Variants in MIPEP observed in about 807,000 individuals in gnomAD.
MIPEP encodes the protein mitochondrial intermediate peptidase.
MIPEP carries 79 observed loss-of-function variants against 90.3 expected under a neutral mutation model. The observed-to-expected ratio is 0.87, with a 90% CI of 0.73 to 1.05. MIPEP has a LOEUF of 1.05. MIPEP is among the 50% of genes least tolerant of loss of function. MIPEP has a pLI of 0.00. For synonymous variants in MIPEP, 334 were observed against 315.8 expected, an observed-to-expected ratio of 1.06 and a Z score of -0.61; for missense variants, 940 against 905.6, an observed-to-expected ratio of 1.04 and a Z score of -0.49.
chr13:23,760,672 A>G (rs1285073637), intron 16 of MIPEP: 1 of 470,848 alleles, frequency 2.1e-6, no homozygotes, highest in Non-Finnish European at 4.4e-6. Context: ...AACAGTGGGA[A>G]GTAAATTTCT....
intron 16 of MIPEP, among the ~76,000 whole-genome samples, chr13:23,776,757 A>T (rs1360994806): frequency 1.3e-5 from 2 of 152,152 alleles, no homozygotes; most frequent in Non-Finnish European, 2.9e-5. Flanking sequence ...GAGATTTTTC[A>T]AACTGTGCAC....
intron 16 of MIPEP, among the ~76,000 whole-genome samples, chr13:23,772,100 TA>T (rs1952658608): frequency 6.6e-6 from 1 of 152,198 alleles, no homozygotes; most frequent in Non-Finnish European, 1.5e-5. Context: ...CTGCACATTC[TA>T]AAGGATAGCC....
intron 10 of MIPEP, among the ~76,000 whole-genome samples, chr13:23,844,585 A>AT (rs916241699): frequency 3.3e-5 from 5 of 152,190 alleles, no homozygotes; most frequent in East Asian, 3.8e-4. Context: ...AAAGCAATTC[A>AT]TTTTTTTGTT....
intron 16 of MIPEP, among the ~76,000 whole-genome samples, chr13:23,775,695 T>TA (rs1952707863): frequency 6.6e-6 from 1 of 151,900 alleles, no homozygotes; most frequent in Non-Finnish European, 1.5e-5. Flanking sequence ...CTACCAGAAA[T>TA]AAAAATATCC....
intron 10 of MIPEP, among the ~76,000 whole-genome samples, chr13:23,843,434 T>C (rs1042058372): frequency 6.6e-6 from 1 of 152,240 alleles, no homozygotes; most frequent in African/African-American, 2.4e-5. Context: ...AAAATAACTT[T>C]TGAGTATTCA....
intron 1 of MIPEP, chr13:23,887,971 T>C (rs1166911676): frequency 6.1e-6 from 2 of 330,208 alleles, no homozygotes; most frequent in East Asian, 8.6e-5. Flanking sequence ...CCTGCCCATA[T>C]TGCTCTCGGG....
At chr13:23,843,097 CAAAAAAAAAA>C (rs397977292) in intron 10 of MIPEP, among the ~76,000 whole-genome samples, 745 of 53,582 alleles carry the variant, frequency 0.014, 13 homozygotes, top group African/African-American at 0.04. Flanking sequence ...CTCTCCATCT[CAAAAAAAAAA>C]AAAAAAAAAA....
intron 7 of MIPEP, among the ~76,000 whole-genome samples, 200 bp downstream of exon 7, chr13:23,869,092 A>G (rs74574539): frequency 6.6e-6 from 1 of 152,252 alleles, no homozygotes; most frequent in Non-Finnish European, 1.5e-5. Context: ...CACATAAAAT[A>G]AAATTCTTTG....
intron 14 of MIPEP, among the ~76,000 whole-genome samples, chr13:23,821,713 TG>T (rs780331478): frequency 5.1e-4 from 77 of 152,356 alleles, no homozygotes; most frequent in East Asian, 1.7e-3. Context: ...TTCAAGTCCC[TG>T]GTATAAAATA....
chr13:23,747,304 T>A (rs1243272639), intron 18 of MIPEP, among the ~76,000 whole-genome samples: 3 of 152,182 alleles, frequency 2.0e-5, no homozygotes, highest in Non-Finnish European at 4.4e-5. Flanking sequence ...CAGAGTACTA[T>A]CTGAAATCAT....
intron 12 of MIPEP, 113 bp from the exon 13 acceptor site, chr13:23,837,869 T>C: frequency 1.4e-6 from 1 of 694,478 alleles, no homozygotes. Flanking sequence ...AAACTTTAAC[T>C]TAATTATATT....
intron 18 of MIPEP, among the ~76,000 whole-genome samples, chr13:23,754,165 C>T (rs1388301475): frequency 6.6e-6 from 1 of 152,146 alleles, no homozygotes; most frequent in African/African-American, 2.4e-5. Flanking sequence ...TTTCACCCAT[C>T]ACTCCTGGTA....
In MIPEP at chr13:23,796,280, G is replaced by A. The variant is rs186227857; in HGVS notation, c.1848+9670C>T. On this transcript the variant is annotated intron_variant, in intron 16 of 18. Transcript: ENST00000382172. Reference sequence around the variant, plus strand: ...CCAAAAATACAAAAATTATCAGGGCGGTGGTGCATGCCTGTAATCCCAGCT... The same window carrying A: ...CCAAAAATACAAAAATTATCAGGGCAGTGGTGCATGCCTGTAATCCCAGCT... Among the ~76,000 whole-genome samples the A allele has an allele frequency of 6.4e-4, 98 of 152,244 alleles. 1 individual carries two copies. The East Asian group carries it at 0.017, about 27-fold the overall frequency.
At chr13:23,879,387 A>T (rs1871195515) in intron 3 of MIPEP, 33 bp from the exon 4 acceptor site, 2 of 1,098,222 alleles carry the variant, frequency 1.8e-6, no homozygotes, top group Non-Finnish European at 2.8e-6. Flanking sequence ...AAATTAGATG[A>T]TTTTCTAATA....
intron 2 of MIPEP, 35 bp from the exon 3 acceptor site, chr13:23,881,822 T>A (rs1371176017): frequency 6.6e-7 from 1 of 1,516,302 alleles, no homozygotes; most frequent in Non-Finnish European, 9.1e-7. Context: ...AAAAGGGAAT[T>A]TGATGAGAAG....
chr13:23,889,256 G>A lies in MIPEP; in HGVS notation c.65C>T (p.Ala22Val), dbSNP rs1356761128. 2 of 1,386,170 alleles carry A rather than the reference G, an allele frequency of 1.4e-6. No homozygotes were observed. Among genetic ancestry groups the A allele is most frequent in the African/African-American group, 3.1e-5 (2 of 65,236 alleles). 85.9% of individuals were successfully genotyped at this position (1,386,170 alleles called of 1,614,324 possible). ...ARAAALPPRR[A>V]GRGSLEAGIR... ...CCCGGCTTCGAGGCTTCCCCGGCCC[G>A]CCCGGCGGGGCGGCAGAGCTGCTGC... The change falls in exon 1 of 19, where the codon GCG becomes GTG. Residue 22 changes from alanine to valine, a missense_variant. By Grantham distance (64) the Ala-to-Val change is moderately conservative. Coordinates refer to ENST00000382172, the MANE Select transcript of MIPEP (RefSeq NM_005932.4).
chr13:23,857,521 G>A (rs1371176189), intron 10 of MIPEP, among the ~76,000 whole-genome samples: 1 of 152,168 alleles, frequency 6.6e-6, no homozygotes, highest in East Asian at 1.9e-4. Flanking sequence ...AGTGAGACAT[G>A]ATTACGCCAC....
At chr13:23,780,237 G>T (rs1376019519) in intron 16 of MIPEP, among the ~76,000 whole-genome samples, 1 of 152,188 alleles carries the variant, frequency 6.6e-6, no homozygotes, top group Non-Finnish European at 1.5e-5. Context: ...ACACGGCCGG[G>T]TACCCCTCTG....
chr13:23,833,856 C>CG (rs1031811706), intron 14 of MIPEP, among the ~76,000 whole-genome samples: 10 of 152,276 alleles, frequency 6.6e-5, no homozygotes, highest in African/African-American at 2.2e-4. Flanking sequence ...CTGCACCACG[C>CG]GCTCTCACTT....
Sources: gnomAD v4.1 joint callset for allele counts (sites outside exome capture counted in the v4.1 genomes callset) on GRCh38, gnomAD v4.1.1 for gene constraint, MANE v1.5 for transcripts, NCBI Gene and HGNC (gene_info 2026-07-23, HGNC 2026-07-21) for gene names.